MFSD11: variants seen among roughly 807,000 people sequenced by gnomAD.
MFSD11 encodes the protein UNC93-like protein MFSD11.
Under a neutral mutation model 53.5 loss-of-function variants are expected in MFSD11, and 36 were observed. The observed-to-expected ratio is 0.67, with a 90% CI of 0.52 to 0.89. The LOEUF (loss-of-function observed/expected upper bound fraction) is 0.89, where lower values mean the gene tolerates loss of function less well. Ranked by LOEUF, MFSD11 falls within the 40% of genes least tolerant of loss-of-function variation. The pLI, the probability that MFSD11 is intolerant of heterozygous loss-of-function variation, is 0.00. For synonymous variants in MFSD11, 186 were observed against 184.9 expected (o/e 1.01, Z -0.05); for missense variants, 530 against 543.9 (o/e 0.97, Z 0.25).
intron 7 of MFSD11, among the ~76,000 whole-genome samples, chr17:76,749,761 G>A (rs897591728): frequency 2.0e-4 from 30 of 151,620 alleles, no homozygotes; most frequent in Admixed American, 1.3e-4. Context: ...GTGGTGGTGT[G>A]TGCCTGTAAT....
intron 7 of MFSD11, chr17:76,753,129 T>G (rs1371953566): frequency 6.6e-6 from 1 of 152,164 alleles, no homozygotes; most frequent in Admixed American, 6.6e-5. Flanking sequence ...TGCTTGAATT[T>G]TGATGTGAAG....
Position 76,756,831 on chromosome 17 carries a change from G to T in MFSD11, c.682+2744G>T, listed in dbSNP as rs377636327. 5.3e-5 allele frequency among the ~76,000 whole-genome samples: 8 copies of T among 150,192 alleles called. No individual in the cohort carries two copies. The East Asian group carries it at 5.9e-4, about 11-fold the overall frequency. On this transcript the variant is annotated intron_variant, in intron 8 of 12. Transcript: ENST00000685175. ...GCCGAGATTGCGCCACTGCACTCCA[G>T]CCTGGGCGACAGAGTGAGACTCCAT...
chr17:76,802,810 C>G, the MFSD11 span, among the ~76,000 whole-genome samples: 1 of 152,078 alleles, frequency 6.6e-6, no homozygotes, highest in South Asian at 2.1e-4. Context: ...AGTTCCACTC[C>G]TCTCACCTTG....
At chr17:76,799,815 GA>G in the MFSD11 span, among the ~76,000 whole-genome samples, 3 of 151,808 alleles carry the variant, frequency 2.0e-5, no homozygotes, top group African/African-American at 4.8e-5. Context: ...TCTATTAGGG[GA>G]AAAAAACTCC....
chr17:76,771,068 A>T (rs955559789), intron 10 of MFSD11, among the ~76,000 whole-genome samples: 1 of 152,200 alleles, frequency 6.6e-6, no homozygotes. Context: ...ATCATTGGCC[A>T]TTGGTGATTG....
chr17:76,801,445 ATT>A, the MFSD11 span, among the ~76,000 whole-genome samples: 80,945 of 106,740 alleles, frequency 0.76, 30,264 homozygotes, highest in Non-Finnish European at 0.84. Flanking sequence ...GCAGAGCAGC[ATT>A]TTTTTTTTTT....
At chr17:76,783,037 TGTG>T (rs928067506), downstream of MFSD11, among the ~76,000 whole-genome samples, 17 of 150,648 alleles carry the variant, frequency 1.1e-4, 1 homozygote, top group Admixed American at 8.6e-4. Context: ...ATTAGCCAAG[TGTG>T]GTGGCAGGAG....
In MFSD11 at chr17:76,776,362, C is replaced by G; in HGVS notation, c.1050-44C>G. ...GGTTGCTTGTATATTTTAAATGGCT[C>G]TAGCAGATATTGCTCATACTAAATT... On this transcript the variant is annotated intron_variant, in intron 11 of 12. Coordinates refer to ENST00000685175, the MANE Select transcript of MFSD11 (RefSeq NM_001242532.5). This position sits in a 1 kb window ranked among gnomAD's most constrained non-coding sequence, Gnocchi z 4.2. 1.2e-6 allele frequency: 2 copies of G among 1,603,020 alleles called. No homozygotes were observed. The highest frequency in any genetic ancestry group is 1.7e-6 in the Non-Finnish European group (2 of 1,175,600).
the MFSD11 span, among the ~76,000 whole-genome samples, chr17:76,794,990 A>G: frequency 6.6e-6 from 1 of 151,690 alleles, no homozygotes; most frequent in African/African-American, 2.4e-5. Context: ...CACCACACCC[A>G]GCCGAAAATG....
At chr17:76,773,251 C>T (rs1340351060) in intron 10 of MFSD11, 1 of 152,290 alleles carries the variant, frequency 6.6e-6, no homozygotes, top group African/African-American at 2.4e-5. Context: ...TCTCTTCAAT[C>T]CATGGGGGCT....
At position 76,776,661 on chromosome 17, in the gene MFSD11, G is replaced by T; in HGVS notation, c.1185+120G>T. ...TTTATTTATTTATTTTTATTTTTTT[G>T]ATAGAGTCTCTCTCTGTCACTCAGG... is the stretch of plus-strand genomic sequence containing the variant. On this transcript the variant is annotated intron_variant, in intron 12 of 12. Coordinates refer to ENST00000685175, the MANE Select transcript of MFSD11 (RefSeq NM_001242532.5). The surrounding 1 kb of genome is among the most constrained non-coding windows in gnomAD (Gnocchi z 4.2). The T allele has an allele frequency of 2.0e-6, 2 of 1,000,130 alleles. No homozygotes were observed. Among genetic ancestry groups the T allele is most frequent in the Non-Finnish European group, 2.7e-6 (2 of 731,316 alleles). 62.0% of individuals were successfully genotyped at this position (1,000,130 alleles called of 1,614,324 possible).
intron 8 of MFSD11, among the ~76,000 whole-genome samples, chr17:76,755,782 G>GTATACATACA (rs1234863900): frequency 6.9e-5 from 2 of 29,168 alleles, no homozygotes; most frequent in East Asian, 4.2e-3. Flanking sequence ...GTGTGTGTGT[G>GTATACATACA]TGTGTATACA....
Position 76,738,160 on chromosome 17 carries a change from C to T in MFSD11, c.-193C>T, listed in dbSNP as rs1183208155. On this transcript the variant is annotated 5_prime_UTR_variant, in exon 1 of 13. Transcript: ENST00000685175. Reference sequence around the variant, plus strand: ...GGATCGCTTCTTAGGAGTATCCTAACTGCCGGTGGGGAGAACTTCGCCCTA... The same window carrying T: ...GGATCGCTTCTTAGGAGTATCCTAATTGCCGGTGGGGAGAACTTCGCCCTA... The T allele has an allele frequency of 1.7e-6, 1 of 603,690 alleles. No individual in the cohort carries two copies. The highest frequency in any genetic ancestry group is 2.9e-6 in the Non-Finnish European group (1 of 341,452). 37.4% of individuals were successfully genotyped at this position (603,690 alleles called of 1,614,324 possible).
chr17:76,746,091 G>T (rs895856704), intron 7 of MFSD11, among the ~76,000 whole-genome samples: 5 of 152,132 alleles, frequency 3.3e-5, no homozygotes, highest in Non-Finnish European at 7.3e-5. Context: ...TTTTTGAAGG[G>T]ACTCAAAAGA....
chr17:76,758,418 A>C (rs1487233439), intron 8 of MFSD11, among the ~76,000 whole-genome samples: 1 of 151,958 alleles, frequency 6.6e-6, no homozygotes, highest in Non-Finnish European at 1.5e-5. Context: ...CTCTCTCTCT[A>C]CAAAAGGTAC....
intron 3 of MFSD11, among the ~76,000 whole-genome samples, chr17:76,741,630 A>T (rs2078091403): frequency 6.6e-6 from 1 of 151,516 alleles, no homozygotes; most frequent in African/African-American, 2.4e-5. Flanking sequence ...TACCAAAAAT[A>T]AAAAAAAATT....
chr17:76,768,813 C>T (rs1013782290), intron 9 of MFSD11, among the ~76,000 whole-genome samples: 2 of 151,602 alleles, frequency 1.3e-5, no homozygotes, highest in African/African-American at 2.4e-5. Context: ...GGTGAAACCC[C>T]GTCTCTACTA....
At chr17:76,736,666 G>C (rs979272036), upstream of MFSD11, 1 of 1,214,482 alleles carries the variant, frequency 8.2e-7, no homozygotes, top group East Asian at 3.2e-5. Flanking sequence ...GTGGCCGGAG[G>C]GTCGCGAGAC....
At chr17:76,754,678 C>T (rs1306809830) in intron 8 of MFSD11, among the ~76,000 whole-genome samples, 2 of 47,224 alleles carry the variant, frequency 4.2e-5, no homozygotes, top group Non-Finnish European at 7.8e-5. Context: ...AGGGAGACTC[C>T]ATCTCAAAAA....
Sources: gnomAD v4.1 joint callset for allele counts (sites outside exome capture counted in the v4.1 genomes callset) on GRCh38, gnomAD v4.1.1 for gene constraint, Gnocchi (gnomAD v3.1) non-coding constraint, MANE v1.5 for transcripts, NCBI Gene and HGNC (gene_info 2026-07-23, HGNC 2026-07-21) for gene names.